Variants in NALCN observed in about 807,000 individuals in gnomAD.
The protein encoded by NALCN is sodium leak channel NALCN.
NALCN carries 111 observed loss-of-function variants against 225.3 expected under a neutral mutation model. That is an observed-to-expected ratio of 0.49 (90% confidence interval 0.42 to 0.58). NALCN has a LOEUF of 0.58. Among genes scored for constraint, NALCN ranks in the 20% least tolerant of loss-of-function variants. NALCN has a pLI of 0.00. For missense variants in NALCN, 1,378 were observed against 2,202.4 expected (o/e 0.63, Z 7.49); for synonymous variants, 764 against 769.0 (o/e 0.99, Z 0.11).
chr13:101,200,016 T>C (rs1181579430), intron 13 of NALCN, among the ~76,000 whole-genome samples: 1 of 152,054 alleles, frequency 6.6e-6, no homozygotes, highest in Admixed American at 6.6e-5. Context: ...AGATCTTTTC[T>C]TATATCTCAA....
chr13:101,167,250 C>T (rs9582452), intron 15 of NALCN, among the ~76,000 whole-genome samples: 36,789 of 152,048 alleles, frequency 0.24, 5,234 homozygotes, highest in Non-Finnish European at 0.32. Context: ...CTGCAAAAAG[C>T]GTCATTGGAA....
intron 2 of NALCN, among the ~76,000 whole-genome samples, chr13:101,397,097 T>C (rs866162183): frequency 0.012 from 848 of 68,584 alleles, 33 homozygotes; most frequent in Non-Finnish European, 0.012. Context: ...TATATATATA[T>C]ATATATATAT....
At chr13:101,180,941 G>C (rs932514583) in intron 14 of NALCN, 3 of 420,744 alleles carry the variant, frequency 7.1e-6, no homozygotes, top group African/African-American at 6.2e-5. Context: ...TTGGAGAGCG[G>C]ATGGGAAGGG....
chr13:101,228,347 A>C (rs2041225666), intron 13 of NALCN, among the ~76,000 whole-genome samples: 1 of 152,104 alleles, frequency 6.6e-6, no homozygotes, highest in South Asian at 2.1e-4. Context: ...TTTTACCCCA[A>C]TATTATTCTT....
At chr13:101,314,189 A>C (rs991316926) in intron 7 of NALCN, among the ~76,000 whole-genome samples, 1 of 150,280 alleles carries the variant, frequency 6.7e-6, no homozygotes, top group Non-Finnish European at 1.5e-5. Flanking sequence ...GAGGGATAGC[A>C]TTTGGAGATA....
At chr13:101,280,690 A>T (rs1053718737) in intron 10 of NALCN, among the ~76,000 whole-genome samples, 5 of 152,136 alleles carry the variant, frequency 3.3e-5, no homozygotes, top group African/African-American at 4.8e-5. Context: ...TGGATAAAGC[A>T]TGGGGCTAGG....
intron 13 of NALCN, among the ~76,000 whole-genome samples, chr13:101,226,271 T>C (rs2041137914): frequency 6.6e-6 from 1 of 151,706 alleles, no homozygotes; most frequent in Non-Finnish European, 1.5e-5. Flanking sequence ...GACATCCCAA[T>C]CCCAACCCCA....
In NALCN at chr13:101,054,774, A is replaced by T. The variant is rs2139368247; in HGVS notation, c.*521T>A. 1 of 152,426 alleles carries T rather than the reference A, an allele frequency of 6.6e-6. No homozygotes were observed. Among genetic ancestry groups the T allele is most frequent in the African/African-American group, 2.4e-5 (1 of 41,582 alleles). The allele number at this position is 152,426 out of a possible 1,614,324, so 9.4% of individuals were successfully genotyped here. On this transcript the variant is annotated 3_prime_UTR_variant, in exon 44 of 44. Coordinates refer to ENST00000251127, the MANE Select transcript of NALCN (RefSeq NM_052867.4). ...AAGAAGATACTTTTTAAAATTCAGA[A>T]TCTGTAGTTTGTAAAACTACTATCA...
intron 43 of NALCN, 95 bp downstream of exon 43, chr13:101,057,844 G>T: frequency 2.1e-6 from 2 of 932,444 alleles, no homozygotes; most frequent in Non-Finnish European, 3.5e-6. Context: ...TGTAGATGCA[G>T]ACTTGCATTT....
At chr13:101,118,253 A>G (rs976968497) in intron 18 of NALCN, among the ~76,000 whole-genome samples, 7 of 152,144 alleles carry the variant, frequency 4.6e-5, no homozygotes, top group Non-Finnish European at 1.0e-4. Flanking sequence ...AAAATAGTCT[A>G]TTAAAAAAAA....
intron 6 of NALCN, 47 bp downstream of exon 6, chr13:101,376,653 T>C (rs773436652): frequency 3.2e-6 from 5 of 1,552,964 alleles, no homozygotes; most frequent in Non-Finnish European, 3.5e-6. Flanking sequence ...TACAGAGATA[T>C]CTTTGTTAAT....
intron 7 of NALCN, among the ~76,000 whole-genome samples, chr13:101,296,107 G>T (rs2043745485): frequency 6.6e-6 from 1 of 152,074 alleles, no homozygotes; most frequent in African/African-American, 2.4e-5. Flanking sequence ...ACTAGGCAAT[G>T]GCCCTTAGTA....
intron 41 of NALCN, among the ~76,000 whole-genome samples, chr13:101,061,145 T>G (rs1222102077): frequency 6.6e-6 from 1 of 152,228 alleles, no homozygotes; most frequent in Non-Finnish European, 1.5e-5. Context: ...ATACAGTATA[T>G]GTCAATGCAG....
chr13:101,189,136 T>G (rs1747241), intron 14 of NALCN, among the ~76,000 whole-genome samples: 5 of 152,002 alleles, frequency 3.3e-5, no homozygotes, highest in Admixed American at 1.3e-4. Flanking sequence ...TGTTTTTCTC[T>G]TTAGTGTTAC....
intron 13 of NALCN, among the ~76,000 whole-genome samples, chr13:101,206,963 A>G (rs1392130634): frequency 6.6e-6 from 1 of 152,128 alleles, no homozygotes; most frequent in African/African-American, 2.4e-5. Flanking sequence ...TGCATGATAA[A>G]CCACTATATT....
At chr13:101,408,764 A>G (rs1446899391) in intron 1 of NALCN, among the ~76,000 whole-genome samples, 1 of 151,966 alleles carries the variant, frequency 6.6e-6, no homozygotes, top group African/African-American at 2.4e-5. Context: ...GGCCCTCACT[A>G]AATAATGTAG....
intron 13 of NALCN, among the ~76,000 whole-genome samples, chr13:101,206,232 C>A (rs1242199565): frequency 6.6e-6 from 1 of 152,010 alleles, no homozygotes; most frequent in Non-Finnish European, 1.5e-5. Context: ...TTTCTCTTAT[C>A]ATGTGAAAAA....
rs199976374 is a variant in NALCN at position 101,362,200 on chromosome 13, G to A, written c.644+14500C>T. Among the ~76,000 whole-genome samples, 7 of 151,980 alleles carry A rather than the reference G, an allele frequency of 4.6e-5. No homozygotes were observed. The East Asian group carries it at 9.7e-4, about 21-fold the overall frequency. Reference sequence around the variant, plus strand: ...AACATATACATAGGGATAGAAACCAGACTTAATGAAAACTTTAATGTAGAA... The same window carrying A: ...AACATATACATAGGGATAGAAACCAAACTTAATGAAAACTTTAATGTAGAA... On this transcript the variant is annotated intron_variant, in intron 6 of 43. Coordinates refer to ENST00000251127, the MANE Select transcript of NALCN (RefSeq NM_052867.4).
intron 13 of NALCN, among the ~76,000 whole-genome samples, chr13:101,206,048 C>T (rs1166365706): frequency 6.6e-6 from 1 of 152,034 alleles, no homozygotes; most frequent in South Asian, 2.1e-4. Flanking sequence ...TTAAAATAAA[C>T]CACACTTCAG....
Sources: gnomAD v4.1 joint callset for allele counts (sites outside exome capture counted in the v4.1 genomes callset) on GRCh38, gnomAD v4.1.1 for gene constraint, MANE v1.5 for transcripts, NCBI Gene and HGNC (gene_info 2026-07-23, HGNC 2026-07-21) for gene names.